Variants in HS6ST1 observed in about 807,000 individuals in gnomAD.
HS6ST1 encodes the protein heparan-sulfate 6-O-sulfotransferase 1.
HS6ST1 carries 3 observed loss-of-function variants against 25.2 expected under a neutral mutation model. The observed-to-expected ratio is 0.12, with a 90% CI of 0.05 to 0.31. The LOEUF is 0.31. Ranked by LOEUF, HS6ST1 falls within the 10% of genes least tolerant of loss-of-function variation. HS6ST1 has a pLI of 1.00. For missense variants in HS6ST1, 310 were observed against 609.6 expected (o/e 0.51, Z 5.18); for synonymous variants, 204 against 275.1 (o/e 0.74, Z 2.56).
Position 128,265,599 on chromosome 2 carries a change from TTTC to T in HS6ST1, c.*2560_*2562del, listed in dbSNP as rs775240568. 9 of 152,262 alleles carry T rather than the reference TTTC, an allele frequency of 5.9e-5. No individual in the cohort carries two copies. The highest frequency in any genetic ancestry group is 1.7e-4 in the African/African-American group (7 of 41,462). The allele number at this position is 152,262 out of a possible 1,614,324, so 9.4% of individuals were successfully genotyped here. A position where few individuals can be genotyped will look rare whatever the true frequency, so the allele number is the denominator to read the frequency against. ...TTTTTTTGTATGAATAACCAAAAAA[TTTC>T]TTCAACACTTTTTTTTAAGAAGAAG... On this transcript the variant is annotated 3_prime_UTR_variant, in exon 2 of 2. Coordinates refer to ENST00000259241, the MANE Select transcript of HS6ST1 (RefSeq NM_004807.3).
rs1322448501 is a variant in HS6ST1 at position 128,318,607 on chromosome 2, G to A, written c.-44C>T. 9 of 988,034 alleles carry A rather than the reference G, an allele frequency of 9.1e-6. No individual in the cohort carries two copies. Among genetic ancestry groups the A allele is most frequent in the Non-Finnish European group, 1.0e-5 (8 of 772,938 alleles). 61.2% of individuals were successfully genotyped at this position (988,034 alleles called of 1,614,324 possible). A position where few individuals can be genotyped will look rare whatever the true frequency, so the allele number is the denominator to read the frequency against. On this transcript the variant is annotated 5_prime_UTR_variant, in exon 1 of 2. Transcript: ENST00000259241. The surrounding 1 kb of genome is among the most constrained non-coding windows in gnomAD (Gnocchi z 5.7). The stretch of plus-strand genomic sequence containing the variant: ...CCCGGGCGCGGGGCGCGGGGCCTGG[G>A]AGGGCAGGAGGCGCGGGCGCAGCTG...
intron 1 of HS6ST1, among the ~76,000 whole-genome samples, chr2:128,276,015 CGAA>C (rs1558869386): frequency 1.3e-5 from 2 of 152,154 alleles, no homozygotes; most frequent in African/African-American, 4.8e-5. Context: ...GGAAAGGTGA[CGAA>C]GAAGGCACTG....
chr2:128,302,694 C>T (rs763758079), intron 1 of HS6ST1, among the ~76,000 whole-genome samples: 7 of 152,204 alleles, frequency 4.6e-5, no homozygotes, highest in Non-Finnish European at 7.3e-5. Flanking sequence ...GCCCCTGCCA[C>T]CACGGGGCTT....
At chr2:128,287,763 C>T (rs1194173667) in intron 1 of HS6ST1, among the ~76,000 whole-genome samples, 3 of 152,200 alleles carry the variant, frequency 2.0e-5, no homozygotes, top group Non-Finnish European at 2.9e-5. Flanking sequence ...GGGGCTCTGC[C>T]GAGGTCTTCC....
chr2:128,301,358 T>C (rs897393879), intron 1 of HS6ST1, among the ~76,000 whole-genome samples: 1 of 152,154 alleles, frequency 6.6e-6, no homozygotes, highest in Non-Finnish European at 1.5e-5. Context: ...CCAGGGGCCA[T>C]GTGGCTCCAG....
chr2:128,284,420 C>G (rs1185704429), intron 1 of HS6ST1, among the ~76,000 whole-genome samples: 1 of 152,160 alleles, frequency 6.6e-6, no homozygotes, highest in African/African-American at 2.4e-5. Context: ...CACACACCAG[C>G]CTGTGCCCCA....
intron 1 of HS6ST1, among the ~76,000 whole-genome samples, chr2:128,311,116 C>G (rs116775578): frequency 6.6e-6 from 1 of 152,186 alleles, no homozygotes; most frequent in Admixed American, 6.5e-5. Flanking sequence ...CTGGAGCAAC[C>G]TCATCCCCTA....
intron 1 of HS6ST1, among the ~76,000 whole-genome samples, chr2:128,285,322 C>A (rs564992535): frequency 2.0e-5 from 3 of 152,162 alleles, no homozygotes; most frequent in Admixed American, 6.5e-5. Context: ...AGGTTCTGGG[C>A]GCACCCCACT....
At chr2:128,315,020 G>A (rs531962978) in intron 1 of HS6ST1, among the ~76,000 whole-genome samples, 15 of 152,318 alleles carry the variant, frequency 9.8e-5, no homozygotes, top group African/African-American at 2.6e-4. Flanking sequence ...CATTCTAACC[G>A]AGTGGTCCCT....
At chr2:128,273,915 C>T (rs542658029) in intron 1 of HS6ST1, among the ~76,000 whole-genome samples, 2 of 152,212 alleles carry the variant, frequency 1.3e-5, no homozygotes, top group East Asian at 1.9e-4. Flanking sequence ...GCCAAGGGGG[C>T]GGCTCATGGC....
chr2:128,309,788 CG>C (rs1473887363), intron 1 of HS6ST1, among the ~76,000 whole-genome samples: 2 of 152,202 alleles, frequency 1.3e-5, no homozygotes, highest in East Asian at 3.9e-4. Context: ...CCTGGCCCCG[CG>C]GTCAGTCTCC....
rs1334352934 is a variant in HS6ST1, at chr2:128,266,766, G to A, written c.*1396C>T. 5 of 152,384 alleles carry A rather than the reference G, an allele frequency of 3.3e-5. No individual in the cohort carries two copies. The highest frequency in any genetic ancestry group is 7.3e-5 in the Non-Finnish European group (5 of 68,162). 9.4% of individuals were successfully genotyped at this position (152,384 alleles called of 1,614,324 possible). On this transcript the variant is annotated 3_prime_UTR_variant, in exon 2 of 2. Coordinates refer to ENST00000259241, the MANE Select transcript of HS6ST1 (RefSeq NM_004807.3). ...TCTCTGGGGGATCCAGGGTGCCTGT[G>A]TGGGCCCTCCTAGAGACACCAGCTT... is the stretch of plus-strand genomic sequence containing the variant.
chr2:128,274,306 T>C (rs553215065), intron 1 of HS6ST1, among the ~76,000 whole-genome samples: 30 of 152,208 alleles, frequency 2.0e-4, no homozygotes, highest in African/African-American at 6.7e-4. Context: ...CCTTGAAGCA[T>C]CTGGACAAAA....
At chr2:128,313,597 G>A (rs1396639773) in intron 1 of HS6ST1, among the ~76,000 whole-genome samples, 2 of 152,126 alleles carry the variant, frequency 1.3e-5, no homozygotes, top group Non-Finnish European at 2.9e-5. Context: ...CCCGAAGGAC[G>A]ACAAGACCAG....
At chr2:128,310,602 G>A (rs1458241505) in intron 1 of HS6ST1, among the ~76,000 whole-genome samples, 9 of 146,670 alleles carry the variant, frequency 6.1e-5, no homozygotes, top group East Asian at 2.0e-4. Flanking sequence ...TCTTCACCAC[G>A]GCTGGGGTAG....
chr2:128,300,639 C>T (rs1694110706), intron 1 of HS6ST1, among the ~76,000 whole-genome samples: 1 of 152,172 alleles, frequency 6.6e-6, no homozygotes, highest in African/African-American at 2.4e-5. Flanking sequence ...GAGGCTGTAA[C>T]TAAGGGCAGG....
intron 1 of HS6ST1, among the ~76,000 whole-genome samples, chr2:128,278,803 G>A (rs1029399790): frequency 6.6e-6 from 1 of 152,174 alleles, no homozygotes; most frequent in Non-Finnish European, 1.5e-5. Context: ...ACTACTCAGT[G>A]GCTGTCTCGG....
intron 1 of HS6ST1, among the ~76,000 whole-genome samples, chr2:128,305,294 C>G (rs1183573317): frequency 1.3e-5 from 2 of 152,248 alleles, no homozygotes; most frequent in Non-Finnish European, 2.9e-5. Context: ...GAGTAACAAA[C>G]CCCTCCTTGC....
chr2:128,318,516 G>T lies in HS6ST1; in HGVS notation c.48C>A (p.Ser16Arg), dbSNP rs776102619. ...AGGRTMVERA[S>R]KFVLVVAGSV... ...AGCCCGCCACCACCAGCACGAACTTGCTGGCGCGCTCAACCATGGTCCTGC... is the reference window on the plus strand; with the variant it reads ...AGCCCGCCACCACCAGCACGAACTTTCTGGCGCGCTCAACCATGGTCCTGC... Residue 16 changes from serine (S) to arginine (R), a missense_variant, in exon 1 of 2, where the codon AGC (serine) becomes AGA (arginine). This residue lies in a region of HS6ST1 where 63 missense variants were observed against 105.4 expected (regional missense o/e 0.60). Transcript: ENST00000259241. This position sits in a 1 kb window ranked among gnomAD's most constrained non-coding sequence, Gnocchi z 5.7. The T allele has an allele frequency of 6.5e-7, 1 of 1,536,696 alleles. No individual in the cohort carries two copies. Among genetic ancestry groups the T allele is most frequent in the East Asian group, 2.5e-5 (1 of 40,580 alleles).
Sources: allele counts gnomAD v4.1 joint callset (sites outside exome capture counted in the v4.1 genomes callset), GRCh38; gene constraint gnomAD v4.1.1; regional missense constraint gnomAD v4.1.1; non-coding constraint Gnocchi (gnomAD v3.1); transcripts MANE v1.5; gene names NCBI Gene and HGNC (gene_info 2026-07-23, HGNC 2026-07-21).